Variants in SHQ1 observed in about 807,000 individuals in gnomAD.
The protein encoded by SHQ1 is protein SHQ1 homolog.
In SHQ1, 49 loss-of-function variants were observed where a neutral mutation model predicts 53.8. The observed-to-expected ratio is 0.91, with a 90% confidence interval of 0.72 to 1.16. The LOEUF (loss-of-function observed/expected upper bound fraction) is 1.16, where lower values mean the gene tolerates loss of function less well. Ranked by LOEUF, SHQ1 falls within the 50% of genes most tolerant of loss-of-function variation. SHQ1 has a pLI of 0.00. For synonymous variants in SHQ1, 243 were observed against 251.0 expected (o/e 0.97, Z 0.30); for missense variants, 738 against 683.1 (o/e 1.08, Z -0.90).
At chr3:72,807,251 C>T (rs996525176) in intron 9 of SHQ1, among the ~76,000 whole-genome samples, 4 of 152,166 alleles carry the variant, frequency 2.6e-5, no homozygotes, top group Non-Finnish European at 5.9e-5. Context: ...CTCCATATTT[C>T]TCTTTTGAGC....
chr3:72,800,300 G>C (rs1240687724), intron 9 of SHQ1, among the ~76,000 whole-genome samples: 1 of 152,196 alleles, frequency 6.6e-6, no homozygotes, highest in Non-Finnish European at 1.5e-5. Context: ...GTGGTATTCT[G>C]TTACAGCAGC....
intron 4 of SHQ1, among the ~76,000 whole-genome samples, chr3:72,835,236 A>T (rs771245589): frequency 1.3e-5 from 2 of 151,710 alleles, no homozygotes; most frequent in Non-Finnish European, 2.9e-5. Context: ...GCACAAGGAC[A>T]TTTTTTTGGG....
intron 10 of SHQ1, among the ~76,000 whole-genome samples, chr3:72,767,221 C>T (rs985041560): frequency 6.6e-6 from 1 of 152,224 alleles, no homozygotes; most frequent in African/African-American, 2.4e-5. Context: ...AGGTTGAATT[C>T]TCCATATTCC....
intron 10 of SHQ1, 24 bp from the exon 11 acceptor site, chr3:72,750,860 G>T: frequency 6.8e-7 from 1 of 1,481,334 alleles, no homozygotes. Flanking sequence ...TAAAAAGAAA[G>T]ATTAGAATTA....
intron 10 of SHQ1, among the ~76,000 whole-genome samples, chr3:72,754,418 G>A (rs562679562): frequency 3.0e-4 from 44 of 145,612 alleles, no homozygotes; most frequent in South Asian, 1.3e-3. Flanking sequence ...TTTCACTCTC[G>A]TTGCCCAGGC....
intron 6 of SHQ1, among the ~76,000 whole-genome samples, chr3:72,820,531 T>C (rs1707444808): frequency 6.6e-6 from 1 of 152,204 alleles, no homozygotes; most frequent in African/African-American, 2.4e-5. Flanking sequence ...TAAGGCCTTT[T>C]TTATTAGAGC....
At chr3:72,824,294 A>T in intron 6 of SHQ1, 130 bp downstream of exon 6, 2 of 1,085,268 alleles carry the variant, frequency 1.8e-6, no homozygotes, top group Non-Finnish European at 2.5e-6. Flanking sequence ...TTCCAAAATT[A>T]GCAATTCAAA....
chr3:72,764,343 A>G (rs1172064442), intron 10 of SHQ1, among the ~76,000 whole-genome samples: 1 of 152,170 alleles, frequency 6.6e-6, no homozygotes, highest in Non-Finnish European at 1.5e-5. Context: ...CACGGTGCCC[A>G]GACTACTAAG....
intron 7 of SHQ1, 21 bp downstream of exon 7, chr3:72,817,209 T>C (rs1559686842): frequency 4.4e-6 from 7 of 1,604,196 alleles, no homozygotes; most frequent in Non-Finnish European, 6.0e-6. Flanking sequence ...TATGGCAACA[T>C]GCACACATAC....
In SHQ1 at chr3:72,835,777, T is replaced by G. The variant is rs77622912; in HGVS notation, c.487-3296A>C. ...TCAATCAATTCCAATCCTGAGCCTT[T>G]ACGCTTACAGTACCCTTCTCATCAT... On this transcript the variant is annotated intron_variant, in intron 4 of 10. Coordinates refer to ENST00000325599, the MANE Select transcript of SHQ1 (RefSeq NM_018130.3). 1.4e-3 allele frequency among the ~76,000 whole-genome samples: 206 copies of G among 152,318 alleles called. 2 individuals are homozygous for G. The highest frequency in any genetic ancestry group is 4.5e-3 in the African/African-American group (189 of 41,574).
intron 10 of SHQ1, among the ~76,000 whole-genome samples, chr3:72,767,503 G>A (rs1025989674): frequency 2.6e-5 from 4 of 152,190 alleles, no homozygotes; most frequent in African/African-American, 7.2e-5. Context: ...AAGTCTCCTA[G>A]AATAGTTTTA....
At chr3:72,739,979 G>A in the SHQ1 span, among the ~76,000 whole-genome samples, 2 of 152,030 alleles carry the variant, frequency 1.3e-5, no homozygotes, top group African/African-American at 4.8e-5. Context: ...ACACTGGGGT[G>A]GATCTCGAGA....
At chr3:72,812,872 T>C in intron 8 of SHQ1, 78 bp from the exon 9 acceptor site, 1 of 1,533,578 alleles carries the variant, frequency 6.5e-7, no homozygotes, top group Non-Finnish European at 8.9e-7. Context: ...AATAGGAAGC[T>C]TTTCTCATTT....
intron 9 of SHQ1, among the ~76,000 whole-genome samples, chr3:72,798,141 G>A (rs1706683398): frequency 6.6e-6 from 1 of 152,126 alleles, no homozygotes; most frequent in Non-Finnish European, 1.5e-5. Context: ...CTGCTCAAAG[G>A]CACTGCAGGA....
rs576899392 is a variant in SHQ1 at position 72,813,534 on chromosome 3, C to T, written c.937-740G>A. Among the ~76,000 whole-genome samples the T allele has an allele frequency of 1.9e-4, 29 of 148,962 alleles. No individual in the cohort carries two copies. The South Asian group carries it at 4.9e-3, about 25-fold the overall frequency. Reference sequence around the variant, plus strand: ...TGATCTCAGCACTTTGGGAGGCCGACGGGCGGACCACAAGGCCAGGAGATC... The same window carrying T: ...TGATCTCAGCACTTTGGGAGGCCGATGGGCGGACCACAAGGCCAGGAGATC... On this transcript the variant is annotated intron_variant, in intron 8 of 10. Transcript: ENST00000325599.
intron 10 of SHQ1, among the ~76,000 whole-genome samples, chr3:72,785,519 G>A (rs1175998714): frequency 6.6e-6 from 1 of 152,224 alleles, no homozygotes; most frequent in Non-Finnish European, 1.5e-5. Flanking sequence ...AGACTAGAGA[G>A]ATAGGATTTC....
At chr3:72,747,072 A>AT (rs2106691670), downstream of SHQ1, among the ~76,000 whole-genome samples, 1 of 152,306 alleles carries the variant, frequency 6.6e-6, no homozygotes, top group Non-Finnish European at 1.5e-5. Flanking sequence ...AACATTCACA[A>AT]CCTTCACAAA....
chr3:72,765,668 C>T (rs1390940441), intron 10 of SHQ1, among the ~76,000 whole-genome samples: 1 of 150,552 alleles, frequency 6.6e-6, no homozygotes, highest in Admixed American at 6.6e-5. Flanking sequence ...GTTCTTGTGC[C>T]CCAGCCTCCT....
intron 9 of SHQ1, among the ~76,000 whole-genome samples, chr3:72,806,274 C>T (rs1706941211): frequency 6.6e-6 from 1 of 152,164 alleles, no homozygotes; most frequent in South Asian, 2.1e-4. Context: ...GGAGTTAACT[C>T]CTGCTGTACT....
Sources: allele counts gnomAD v4.1 joint callset (sites outside exome capture counted in the v4.1 genomes callset), GRCh38; gene constraint gnomAD v4.1.1; transcripts MANE v1.5; gene names NCBI Gene and HGNC (gene_info 2026-07-23, HGNC 2026-07-21).